Variants in ZBTB21 observed in about 807,000 individuals in gnomAD.
ZBTB21 encodes zinc finger and BTB domain-containing protein 21.
A neutral mutation model predicts 39.8 loss-of-function variants in ZBTB21; 10 were observed. The observed-to-expected ratio is 0.25, with a 90% CI of 0.16 to 0.43. ZBTB21 has a LOEUF of 0.43. Ranked by LOEUF, ZBTB21 falls within the 20% of genes least tolerant of loss-of-function variation. The probability of loss-of-function intolerance (pLI) is 1.00; values close to 1 mark genes in which losing one functional copy is unlikely to be tolerated. For synonymous variants in ZBTB21, 551 were observed against 498.8 expected (o/e 1.10, Z -1.40); for missense variants, 1,221 against 1,296.3 (o/e 0.94, Z 0.89).
In ZBTB21 at chr21:41,993,592, G is replaced by A. The variant is rs748874298; in HGVS notation, c.504C>T (p.Pro168=). 1.9e-5 allele frequency: 31 copies of A among 1,614,098 alleles called. No homozygotes were observed. The highest frequency in any genetic ancestry group is 2.7e-5 in the African/African-American group (2 of 74,932). The part of the protein sequence containing the change: ...AQGKTVSQNQ[P]DVSHTSRPSP... ...AGGGCCGGGAAGTATGGCTTACATC[G>A]GGTTGATTTTGACTAACAGTTTTTC... The change falls in exon 3 of 3, where the codon CCC becomes CCT. Residue 168 remains proline (P), a synonymous_variant. Coordinates refer to ENST00000310826, the MANE Select transcript of ZBTB21 (RefSeq NM_001098402.2).
intron 2 of ZBTB21, among the ~76,000 whole-genome samples, chr21:41,997,346 C>T (rs549295314): frequency 2.9e-4 from 44 of 152,220 alleles, no homozygotes; most frequent in South Asian, 1.2e-3. Flanking sequence ...GAGGCCAAAG[C>T]GGGCAGGTCA....
At chr21:41,997,810 A>T (rs141217690) in intron 2 of ZBTB21, among the ~76,000 whole-genome samples, 2 of 152,144 alleles carry the variant, frequency 1.3e-5, no homozygotes, top group African/African-American at 2.4e-5. Context: ...TGAGAAGAGG[A>T]GGCCTAGTGG....
intron 1 of ZBTB21, among the ~76,000 whole-genome samples, chr21:42,007,416 C>T (rs2065891796): frequency 6.6e-6 from 1 of 152,208 alleles, no homozygotes; most frequent in Admixed American, 6.5e-5. Context: ...ACTCTGGTTA[C>T]AATTCATCTC....
Position 41,993,073 on chromosome 21 carries a change from T to C in ZBTB21, c.1023A>G (p.Arg341=). 2 of 1,614,206 alleles carry C rather than the reference T, an allele frequency of 1.2e-6. No homozygotes were observed. The highest frequency in any genetic ancestry group is 1.7e-6 in the Non-Finnish European group (2 of 1,180,034). ...RSGPLVKSLL[R]RSLSMDSQVP... is the part of the protein sequence containing the mutation. ...CCTGGCTATCCATCGACAATGACCGTCTGAGGAGACTCTTAACAAGTGGGC... is the reference window on the plus strand; with the variant it reads ...CCTGGCTATCCATCGACAATGACCGCCTGAGGAGACTCTTAACAAGTGGGC... The change falls in exon 3 of 3, where the codon AGA becomes AGG. Residue 341 remains arginine (R), a synonymous_variant. Transcript: ENST00000310826.
At chr21:42,008,540 CAAA>C (rs68176203) in intron 1 of ZBTB21, among the ~76,000 whole-genome samples, 1 of 60,370 alleles carries the variant, frequency 1.7e-5, no homozygotes, top group Non-Finnish European at 3.2e-5. Flanking sequence ...GAAACTCTGT[CAAA>C]AAAAAAAAAA....
chr21:42,008,540 C>CAAAAAAAAAAAAAAAAAAAA (rs68176203), intron 1 of ZBTB21, among the ~76,000 whole-genome samples: 2 of 60,370 alleles, frequency 3.3e-5, no homozygotes, highest in African/African-American at 1.2e-4. Context: ...GAAACTCTGT[C>CAAAAAAAAAAAAAAAAAAAA]AAAAAAAAAA....
intron 2 of ZBTB21, among the ~76,000 whole-genome samples, chr21:41,997,582 A>AAAAAAACAAAAAAAC (rs1569110025): frequency 7.1e-6 from 1 of 140,876 alleles, no homozygotes; most frequent in Non-Finnish European, 1.6e-5. Flanking sequence ...TCTCAAAAAA[A>AAAAAAACAAAAAAAC]AAAAAAACAA....
At chr21:41,999,354 T>G (rs1221550415) in intron 2 of ZBTB21, among the ~76,000 whole-genome samples, 1 of 152,144 alleles carries the variant, frequency 6.6e-6, no homozygotes, top group East Asian at 1.9e-4. Flanking sequence ...TAAGGCTAAT[T>G]ATGAGCTTGA....
intron 1 of ZBTB21, chr21:42,007,912 C>G (rs902509650): frequency 6.6e-6 from 1 of 152,150 alleles, no homozygotes; most frequent in African/African-American, 2.4e-5. Context: ...CACTACTGGA[C>G]GATGATTCCC....
At position 41,991,659 on chromosome 21, in the gene ZBTB21, C is replaced by T. The variant is rs924745278; in HGVS notation, c.2437G>A (p.Val813Ile). Residue 813 changes from valine to isoleucine, a missense_variant, in exon 3 of 3, where the codon GTT becomes ATT. Transcript: ENST00000310826. This position sits in a 1 kb window ranked among gnomAD's most constrained non-coding sequence, Gnocchi z 4.9. ...MAPTENFSLP[V>I]LDHNGDVTGS... ...GTCACATCACCATTGTGGTCCAAAA[C>T]GGGCAAAGAAAAGTTTTCGGTGGGT... 6.6e-5 allele frequency: 106 copies of T among 1,614,018 alleles called. No individual in the cohort carries two copies. Among genetic ancestry groups the T allele is most frequent in the African/African-American group, 1.1e-4 (8 of 74,890 alleles).
chr21:42,008,540 C>CAAAAAAAAAAAAAAAAAAA (rs68176203), intron 1 of ZBTB21, among the ~76,000 whole-genome samples: 5 of 60,322 alleles, frequency 8.3e-5, no homozygotes, highest in African/African-American at 1.8e-4. Context: ...GAAACTCTGT[C>CAAAAAAAAAAAAAAAAAAA]AAAAAAAAAA....
Position 41,992,265 on chromosome 21 carries a change from G to A in ZBTB21, c.1831C>T (p.His611Tyr). Residue 611 changes from histidine (H) to tyrosine (Y), a missense_variant, in exon 3 of 3, where the codon CAT becomes TAT. Transcript: ENST00000310826. The surrounding 1 kb of genome is among the most constrained non-coding windows in gnomAD (Gnocchi z 4.1). Reference protein sequence around the residue: ...VKNPSPASSSHAVLDEKFQRK... With the variant: ...VKNPSPASSSYAVLDEKFQRK... ...TGGAATTTTTCATCCAAAACAGCAT[G>A]TGAACTAGAGGCTGGTGATGGGTTC... The A allele has an allele frequency of 6.2e-7, 1 of 1,614,210 alleles. No homozygotes were observed. Among genetic ancestry groups the A allele is most frequent in the Non-Finnish European group, 8.5e-7 (1 of 1,180,048 alleles).
Position 41,992,386 on chromosome 21 carries a change from G to A in ZBTB21, c.1710C>T (p.Asn570=). 9.9e-6 allele frequency: 16 copies of A among 1,614,188 alleles called. No homozygotes were observed. Among genetic ancestry groups the A allele is most frequent in the Non-Finnish European group, 1.4e-5 (16 of 1,180,044 alleles). ...TGTCACAAGCGTAGGGCTTTTCTGG[G>A]TTATGGTACATGTTAACATGACGGT... is the stretch of plus-strand genomic sequence containing the variant. ...GLHRHVNMYH[N]PEKPYACDIC... Residue 570 remains asparagine, a synonymous_variant, in exon 3 of 3, where the codon AAC becomes AAT. Transcript: ENST00000310826. The surrounding 1 kb of genome is among the most constrained non-coding windows in gnomAD (Gnocchi z 4.1).
rs1338223220 is a variant in ZBTB21, at chr21:41,988,869, T to C, written c.*2026A>G. ...ATTTATAATGCCAAGATACTCTGTA[T>C]CATGGAATTATCACCGATAGATACT... On this transcript the variant is annotated 3_prime_UTR_variant, in exon 3 of 3. Coordinates refer to ENST00000310826, the MANE Select transcript of ZBTB21 (RefSeq NM_001098402.2). 3 of 152,118 alleles carry C rather than the reference T, an allele frequency of 2.0e-5. No homozygotes were observed. The highest frequency in any genetic ancestry group is 7.2e-5 in the African/African-American group (3 of 41,434). The allele number at this position is 152,118 out of a possible 1,614,324, so 9.4% of individuals were successfully genotyped here.
At position 41,990,702 on chromosome 21, in the gene ZBTB21, AT is replaced by A; in HGVS notation, c.*192del. 2.1e-6 allele frequency: 1 copy of A among 484,198 alleles called. No homozygotes were observed. The allele number at this position is 484,198 out of a possible 1,614,324, so 30.0% of individuals were successfully genotyped here. On this transcript the variant is annotated 3_prime_UTR_variant, in exon 3 of 3. Coordinates refer to ENST00000310826, the MANE Select transcript of ZBTB21 (RefSeq NM_001098402.2). ...TTCTTGTAAGGTCCAGAACCACAATATTTTAAAAGCTGTATTTCTAAAGTTA... is the reference window on the plus strand; with the variant it reads ...TTCTTGTAAGGTCCAGAACCACAATATTTAAAAGCTGTATTTCTAAAGTTA...
intron 2 of ZBTB21, 31 bp downstream of exon 2, chr21:42,002,866 C>T (rs1313050870): frequency 1.3e-5 from 2 of 152,168 alleles, no homozygotes; most frequent in Non-Finnish European, 2.9e-5. Flanking sequence ...CCCAGGAAAA[C>T]CAGTTTCTAA....
At chr21:41,999,307 G>C (rs1569111186) in intron 2 of ZBTB21, among the ~76,000 whole-genome samples, 1 of 152,286 alleles carries the variant, frequency 6.6e-6, no homozygotes, top group East Asian at 1.9e-4. Flanking sequence ...TAAATGACTA[G>C]GACAGAGTAG....
In ZBTB21 at chr21:41,988,075, T is replaced by C. The variant is rs184385508; in HGVS notation, c.*2820A>G. 4 of 152,358 alleles carry C rather than the reference T, an allele frequency of 2.6e-5. No homozygotes were observed. The highest frequency in any genetic ancestry group is 2.1e-4 in the South Asian group (1 of 4,830). 9.4% of individuals were successfully genotyped at this position (152,358 alleles called of 1,614,324 possible). A position where few individuals can be genotyped will look rare whatever the true frequency, so the allele number is the denominator to read the frequency against. On this transcript the variant is annotated 3_prime_UTR_variant, in exon 3 of 3. Transcript: ENST00000310826. ...ATATTCTGGTAAAATTATAAATGCA[T>C]ACTAACTAGTTTTAAAGGTGAATAT...
At chr21:42,001,451 C>G (rs933704401) in intron 2 of ZBTB21, among the ~76,000 whole-genome samples, 4 of 152,324 alleles carry the variant, frequency 2.6e-5, no homozygotes, top group African/African-American at 9.6e-5. Flanking sequence ...AGCTTAAGGT[C>G]TTGTGCAGGA....
Sources: allele counts gnomAD v4.1 joint callset (sites outside exome capture counted in the v4.1 genomes callset), GRCh38; gene constraint gnomAD v4.1.1; non-coding constraint Gnocchi (gnomAD v3.1); transcripts MANE v1.5; gene names NCBI Gene and HGNC (gene_info 2026-07-23, HGNC 2026-07-21).